ZNF33B: variants seen among roughly 807,000 people sequenced by gnomAD.
ZNF33B encodes the protein zinc finger protein 11b (KOX 2).
A neutral mutation model predicts 45.8 loss-of-function variants in ZNF33B; 29 were observed. The ratio of observed to expected loss-of-function variants is 0.63; its 90% CI spans 0.47 to 0.86. ZNF33B has a LOEUF of 0.86. ZNF33B is among the 40% of genes least tolerant of loss of function. The pLI, the probability that ZNF33B is intolerant of heterozygous loss-of-function variation, is 0.00. For missense variants in ZNF33B, 831 were observed against 909.9 expected (o/e 0.91, Z 1.12); for synonymous variants, 305 against 307.8 (o/e 0.99, Z 0.10).
chr10:42,584,525 C>CA (rs1836890716), downstream of ZNF33B, among the ~76,000 whole-genome samples: 1 of 143,894 alleles, frequency 6.9e-6, no homozygotes, highest in Admixed American at 7.0e-5. Context: ...TTCCTTTGAG[C>CA]TTTTTTTTTT....
intron 4 of ZNF33B, among the ~76,000 whole-genome samples, chr10:42,631,167 C>A (rs183807859): frequency 5.3e-4 from 81 of 152,158 alleles, no homozygotes; most frequent in African/African-American, 1.8e-3. Context: ...CATAAGTATA[C>A]ATAATATACT....
chr10:42,578,283 C>T (rs377634636), intron 1 of ZNF33B, among the ~76,000 whole-genome samples: 2 of 152,330 alleles, frequency 1.3e-5, no homozygotes, highest in East Asian at 1.9e-4. Flanking sequence ...TGTTTCTCCA[C>T]GGTCTGGAGG....
downstream of ZNF33B, among the ~76,000 whole-genome samples, chr10:42,585,457 G>A (rs747774824): frequency 1.3e-5 from 2 of 152,168 alleles, no homozygotes; most frequent in Non-Finnish European, 2.9e-5. Context: ...GAAAATGGGG[G>A]TGCTATATTT....
chr10:42,576,462 T>A (rs1328736967), intron 1 of ZNF33B, among the ~76,000 whole-genome samples: 2 of 152,160 alleles, frequency 1.3e-5, no homozygotes, highest in Admixed American at 1.3e-4. Context: ...ATGCCTGGCA[T>A]CTCCTGCTCA....
intron 1 of ZNF33B, among the ~76,000 whole-genome samples, chr10:42,575,223 T>C (rs1836730839): frequency 6.6e-6 from 1 of 152,202 alleles, no homozygotes; most frequent in Non-Finnish European, 1.5e-5. Context: ...TTGGTGATTA[T>C]GGATCACTCA....
intron 4 of ZNF33B, chr10:42,614,324 G>A (rs1838224556): frequency 1.9e-5 from 3 of 154,316 alleles, no homozygotes; most frequent in African/African-American, 4.8e-5. Context: ...TCCAAAACAA[G>A]GAAAGTCTGG....
At chr10:42,587,189 A>G (rs1298852808), downstream of ZNF33B, among the ~76,000 whole-genome samples, 1 of 152,122 alleles carries the variant, frequency 6.6e-6, no homozygotes, top group Non-Finnish European at 1.5e-5. Context: ...CAGTTTCAAC[A>G]TGACTTGCTT....
At chr10:42,585,028 G>A (rs917806673), downstream of ZNF33B, among the ~76,000 whole-genome samples, 4 of 152,190 alleles carry the variant, frequency 2.6e-5, no homozygotes, top group East Asian at 1.9e-4. Context: ...TCCTCCTCAC[G>A]ATGAAGTAGT....
Position 42,592,969 on chromosome 10 carries a change from G to T in ZNF33B, c.1981C>A (p.Gln661Lys). Reference protein sequence around the residue: ...ALIVHQRTHTQEKPYKCNECG... With the variant: ...ALIVHQRTHTKEKPYKCNECG... ...TCGTTACATTTATAAGGCTTTTCTT[G>T]TGTATGGGTTCTCTGATGTACAATT... The change falls in exon 5 of 5, where the codon CAA (glutamine) becomes AAA (lysine). Residue 661 changes from glutamine to lysine, a missense_variant. Physicochemically the swap from Gln to Lys is moderately conservative, Grantham distance 53. Transcript: ENST00000359467. 1 of 1,613,666 alleles carries T rather than the reference G, an allele frequency of 6.2e-7. No homozygotes were observed. Among genetic ancestry groups the T allele is most frequent in the African/African-American group, 1.3e-5 (1 of 74,876 alleles).
intron 2 of ZNF33B, 63 bp from the exon 3 acceptor site, chr10:42,632,502 T>C (rs1738275354): frequency 1.3e-6 from 2 of 1,560,288 alleles, no homozygotes; most frequent in Non-Finnish European, 1.7e-6. Flanking sequence ...ACCATGATTA[T>C]TATTCACAGA....
chr10:42,629,984 T>G (rs982452562), intron 4 of ZNF33B, among the ~76,000 whole-genome samples: 1 of 152,218 alleles, frequency 6.6e-6, no homozygotes, highest in African/African-American at 2.4e-5. Context: ...TTGTCTTAAG[T>G]GTTTCCCCTA....
At chr10:42,605,751 T>C (rs1007684736) in intron 4 of ZNF33B, among the ~76,000 whole-genome samples, 11 of 152,196 alleles carry the variant, frequency 7.2e-5, no homozygotes, top group African/African-American at 2.7e-4. Context: ...TATAAGTCAA[T>C]GTTTATAATT....
At chr10:42,616,232 T>TAA (rs200532665) in intron 4 of ZNF33B, among the ~76,000 whole-genome samples, 3 of 150,610 alleles carry the variant, frequency 2.0e-5, no homozygotes, top group Non-Finnish European at 4.4e-5. Flanking sequence ...AACTCCATAT[T>TAA]AAAAAAAAAT....
chr10:42,591,231 G>C lies in ZNF33B; in HGVS notation c.*1382C>G, dbSNP rs1283322917. The stretch of plus-strand genomic sequence containing the variant: ...AACAGCCCTGGGCAGCAACTGGGCT[G>C]TATGTGTGGGCCTCTTTCCAGGGCC... On this transcript the variant is annotated 3_prime_UTR_variant, in exon 5 of 5. Transcript: ENST00000359467. 1.7e-5 allele frequency: 16 copies of C among 916,648 alleles called. No homozygotes were observed. In the Admixed American group the frequency reaches 9.9e-4, roughly 57 times the overall value. The allele number at this position is 916,648 out of a possible 1,614,324, so 56.8% of individuals were successfully genotyped here. A position where few individuals can be genotyped will look rare whatever the true frequency, so the allele number is the denominator to read the frequency against.
At chr10:42,615,178 T>G (rs1838260976) in intron 4 of ZNF33B, among the ~76,000 whole-genome samples, 1 of 152,146 alleles carries the variant, frequency 6.6e-6, no homozygotes, top group African/African-American at 2.4e-5. Context: ...CCAAGAAAGT[T>G]AAACACAGAG....
At position 42,591,645 on chromosome 10, in the gene ZNF33B, C is replaced by T. The variant is rs1417588208; in HGVS notation, c.*968G>A. On this transcript the variant is annotated 3_prime_UTR_variant, in exon 5 of 5. Coordinates refer to ENST00000359467, the MANE Select transcript of ZNF33B (RefSeq NM_006955.3). ...CGATTTATATCACATACCACTTGTA[C>T]ATATGTAAGTCCTATGAACTTCAGG... 1 of 406,178 alleles carries T rather than the reference C, an allele frequency of 2.5e-6. No individual in the cohort carries two copies. The highest frequency in any genetic ancestry group is 3.3e-6 in the Non-Finnish European group (1 of 300,598). 25.2% of individuals were successfully genotyped at this position (406,178 alleles called of 1,614,324 possible).
intron 4 of ZNF33B, among the ~76,000 whole-genome samples, chr10:42,608,317 A>G (rs912023014): frequency 6.6e-6 from 1 of 152,242 alleles, no homozygotes; most frequent in African/African-American, 2.4e-5. Flanking sequence ...ATAAACATGG[A>G]AACAGAAGAT....
chr10:42,583,499 T>G, intron 1 of ZNF33B: 2 of 254,550 alleles, frequency 7.9e-6, no homozygotes, highest in South Asian at 9.7e-5. Flanking sequence ...TTCTTTGTTA[T>G]GAGGGTGCTG....
intron 1 of ZNF33B, chr10:42,578,844 A>C (rs1182282815): frequency 6.6e-6 from 1 of 152,240 alleles, no homozygotes; most frequent in Non-Finnish European, 1.5e-5. Context: ...AGGCTGCCAC[A>C]CAGCTCTCAG....
Sources: gnomAD v4.1 joint callset for allele counts (sites outside exome capture counted in the v4.1 genomes callset) on GRCh38, gnomAD v4.1.1 for gene constraint, MANE v1.5 for transcripts, NCBI Gene and HGNC (gene_info 2026-07-23, HGNC 2026-07-21) for gene names.